The following CARMIL1 variants were observed in gnomAD, a reference collection of about 807,000 sequenced individuals.
CARMIL1 encodes capping protein regulator and myosin 1 linker 1, also known as F-actin-uncapping protein LRRC16A.
In CARMIL1, 90 loss-of-function variants were observed where a neutral mutation model predicts 177.1. That is an observed-to-expected ratio of 0.51 (90% CI 0.43 to 0.61). The LOEUF is 0.61. Among genes scored for constraint, CARMIL1 ranks in the 20% least tolerant of loss-of-function variants. The probability of loss-of-function intolerance (pLI) is 0.00; values close to 1 mark genes in which losing one functional copy is unlikely to be tolerated. For missense variants in CARMIL1, 1,380 were observed against 1,667.0 expected, an observed-to-expected ratio of 0.83 and a Z score of 3.00; for synonymous variants, 577 against 606.2, an observed-to-expected ratio of 0.95 and a Z score of 0.71.
chr6:25,616,866 A>C (rs1395148664), intron 36 of CARMIL1, among the ~76,000 whole-genome samples: 6 of 152,188 alleles, frequency 3.9e-5, no homozygotes, highest in Non-Finnish European at 7.3e-5. Flanking sequence ...TTGACCTTCA[A>C]ACTCATCACA....
At chr6:25,316,749 A>G (rs9461138) in intron 2 of CARMIL1, among the ~76,000 whole-genome samples, 7,205 of 152,104 alleles carry the variant, frequency 0.047, 545 homozygotes, top group African/African-American at 0.16. Flanking sequence ...GTCTAGTGTA[A>G]TAGAAGAGGG....
chr6:25,479,280 G>C (rs1801873728), intron 11 of CARMIL1: 1 of 504,098 alleles, frequency 2.0e-6, no homozygotes, highest in Non-Finnish European at 3.9e-6. Flanking sequence ...GTACTCCTTT[G>C]TGTGTGGCTT....
chr6:25,322,970 G>T (rs1327447424), intron 2 of CARMIL1, among the ~76,000 whole-genome samples: 1 of 152,078 alleles, frequency 6.6e-6, no homozygotes, highest in African/African-American at 2.4e-5. Context: ...TTTGTATTAG[G>T]GAAGACTCAG....
At chr6:25,377,087 A>C (rs1791062657) in intron 2 of CARMIL1, among the ~76,000 whole-genome samples, 1 of 152,188 alleles carries the variant, frequency 6.6e-6, no homozygotes, top group Non-Finnish European at 1.5e-5. Context: ...AACCTAGGGG[A>C]CATGCATTCT....
In CARMIL1 at chr6:25,327,108, G is replaced by C. The variant is rs186117339; in HGVS notation, c.138+42199G>C. On this transcript the variant is annotated intron_variant, in intron 2 of 36. Coordinates refer to ENST00000329474, the MANE Select transcript of CARMIL1 (RefSeq NM_017640.6). Reference sequence around the variant, plus strand: ...GATACAGTTTCCAGAAAGGAATTTGGGACTTGCCAGTGTACAGGGAGTATT... The same window carrying C: ...GATACAGTTTCCAGAAAGGAATTTGCGACTTGCCAGTGTACAGGGAGTATT... 9.1e-4 allele frequency among the ~76,000 whole-genome samples: 138 copies of C among 152,240 alleles called. 1 individual carries two copies. The highest frequency in any genetic ancestry group is 3.1e-3 in the African/African-American group (129 of 41,546).
At chr6:25,491,674 A>G in intron 13 of CARMIL1, 58 bp from the exon 14 acceptor site, 2 of 1,062,198 alleles carry the variant, frequency 1.9e-6, no homozygotes, top group Non-Finnish European at 2.8e-6. Flanking sequence ...ATTAACTTGC[A>G]TTGTGTGTAT....
At chr6:25,430,319 G>A (rs559368130) in intron 4 of CARMIL1, among the ~76,000 whole-genome samples, 5 of 150,798 alleles carry the variant, frequency 3.3e-5, no homozygotes, top group African/African-American at 4.9e-5. Flanking sequence ...AGAGGAGGAA[G>A]TAGTTCCTTC....
At chr6:25,372,358 G>A (rs555337642) in intron 2 of CARMIL1, among the ~76,000 whole-genome samples, 1 of 151,974 alleles carries the variant, frequency 6.6e-6, no homozygotes, top group Admixed American at 6.5e-5. Flanking sequence ...TCATGAAATT[G>A]ATTCTTCCAA....
chr6:25,573,345 G>A (rs1213677987), intron 29 of CARMIL1, among the ~76,000 whole-genome samples: 2 of 152,112 alleles, frequency 1.3e-5, no homozygotes, highest in African/African-American at 4.8e-5. Flanking sequence ...TCATGTTAAA[G>A]GATGCTATAG....
intron 5 of CARMIL1, among the ~76,000 whole-genome samples, chr6:25,437,670 C>T (rs567120512): frequency 9.1e-4 from 139 of 152,304 alleles, no homozygotes; most frequent in Non-Finnish European, 1.5e-3. Flanking sequence ...CTCACTTTCC[C>T]CCCTAAAAAT....
chr6:25,293,701 T>A (rs1782170299), intron 2 of CARMIL1, among the ~76,000 whole-genome samples: 1 of 151,602 alleles, frequency 6.6e-6, no homozygotes, highest in African/African-American at 2.4e-5. Context: ...TCCCTTCCTT[T>A]CCCCCTTCCC....
At chr6:25,325,644 A>G (rs747762058) in intron 2 of CARMIL1, among the ~76,000 whole-genome samples, 4 of 152,226 alleles carry the variant, frequency 2.6e-5, no homozygotes, top group Non-Finnish European at 4.4e-5. Flanking sequence ...TCATTAATTT[A>G]TCCATCCATT....
intron 36 of CARMIL1, chr6:25,612,715 AAAAT>A (rs1816600173): frequency 1.0e-6 from 1 of 975,272 alleles, no homozygotes; most frequent in Non-Finnish European, 1.2e-6. Flanking sequence ...TATAAAGGGT[AAAAT>A]AAATCCCTTT....
At chr6:25,291,440 CT>C (rs1781955999) in intron 2 of CARMIL1, among the ~76,000 whole-genome samples, 1 of 152,070 alleles carries the variant, frequency 6.6e-6, no homozygotes, top group Non-Finnish European at 1.5e-5. Context: ...AACTATTGTT[CT>C]TTTGCAGTAG....
chr6:25,448,488 T>G (rs533412781), intron 5 of CARMIL1, among the ~76,000 whole-genome samples: 2 of 152,324 alleles, frequency 1.3e-5, no homozygotes, highest in East Asian at 3.9e-4. Flanking sequence ...CCTCTCACCA[T>G]GCTTCACCTG....
intron 2 of CARMIL1, among the ~76,000 whole-genome samples, chr6:25,417,042 T>C (rs950340214): frequency 2.6e-5 from 4 of 152,168 alleles, no homozygotes; most frequent in African/African-American, 9.7e-5. Flanking sequence ...CTTATGATCA[T>C]GGTTGTCAGC....
chr6:25,334,011 T>G (rs192284681), intron 2 of CARMIL1, among the ~76,000 whole-genome samples: 3 of 152,362 alleles, frequency 2.0e-5, no homozygotes, highest in Non-Finnish European at 4.4e-5. Context: ...TCTGCTGGTG[T>G]TCTGTGAGTC....
intron 35 of CARMIL1, among the ~76,000 whole-genome samples, chr6:25,607,296 A>G (rs954447610): frequency 2.0e-5 from 3 of 152,164 alleles, no homozygotes; most frequent in African/African-American, 7.2e-5. Flanking sequence ...TGAAAGTTAC[A>G]TCAATTCTTC....
At chr6:25,314,548 A>G (rs1410701760) in intron 2 of CARMIL1, among the ~76,000 whole-genome samples, 2 of 151,880 alleles carry the variant, frequency 1.3e-5, no homozygotes, top group East Asian at 3.9e-4. Context: ...ATACATACAC[A>G]TACATATATA....
Sources: allele counts gnomAD v4.1 joint callset (sites outside exome capture counted in the v4.1 genomes callset), GRCh38; gene constraint gnomAD v4.1.1; transcripts MANE v1.5; gene names NCBI Gene and HGNC (gene_info 2026-07-23, HGNC 2026-07-21).